Variants in CRYM observed in about 807,000 individuals in gnomAD.
The protein encoded by CRYM is crystallin mu, also known as ketimine reductase mu-crystallin.
A neutral mutation model predicts 32.9 loss-of-function variants in CRYM; 18 were observed. That is an observed-to-expected ratio of 0.55 (90% CI 0.38 to 0.81). The LOEUF (loss-of-function observed/expected upper bound fraction) is 0.81. Ranked by LOEUF, CRYM falls within the 30% of genes least tolerant of loss-of-function variation. The pLI is 0.00. For synonymous variants in CRYM, 153 were observed against 152.4 expected (o/e 1.00, Z -0.03); for missense variants, 337 against 393.5 (o/e 0.86, Z 1.21).
chr16:21,273,530 C>G (rs939113058), intron 3 of CRYM, among the ~76,000 whole-genome samples: 2 of 152,166 alleles, frequency 1.3e-5, no homozygotes, highest in East Asian at 3.8e-4. Context: ...CCTGGTTGAT[C>G]CTCACTCTGT....
At chr16:21,278,375 G>C (rs2093392034), upstream of CRYM, 1 of 1,307,622 alleles carries the variant, frequency 7.6e-7, no homozygotes, top group South Asian at 1.3e-5. Flanking sequence ...AGCCTCCGGG[G>C]GCGGAGCAAC....
chr16:21,291,418 A>C (rs1960652462), intron 1 of CRYM, among the ~76,000 whole-genome samples: 1 of 152,166 alleles, frequency 6.6e-6, no homozygotes, highest in Admixed American at 6.5e-5. Context: ...TTCTACCTAC[A>C]TTACTGTGAA....
chr16:21,260,955 T>C (rs2093353219), intron 7 of CRYM: 1 of 471,584 alleles, frequency 2.1e-6, no homozygotes, highest in Non-Finnish European at 3.9e-6. Flanking sequence ...TCATTTTATA[T>C]GCAAATCCCA....
chr16:21,301,765 G>A (rs981995065), intron 1 of CRYM, among the ~76,000 whole-genome samples: 1 of 152,176 alleles, frequency 6.6e-6, no homozygotes, highest in Non-Finnish European at 1.5e-5. Flanking sequence ...CCGCGCGAGG[G>A]CCAGGCTGCC....
intron 1 of CRYM, among the ~76,000 whole-genome samples, chr16:21,301,690 G>C (rs1407640921): frequency 6.6e-6 from 1 of 152,204 alleles, no homozygotes; most frequent in Admixed American, 6.5e-5. Context: ...CTTCCGCACC[G>C]CTGACTCCTA....
At position 21,272,025 on chromosome 16, in the gene CRYM, ATTTTTTTT is replaced by A. The variant is rs775866723; in HGVS notation, c.388-2142_388-2135del. Among the ~76,000 whole-genome samples the A allele has an allele frequency of 3.7e-5, 5 of 133,792 alleles. No homozygotes were observed. In the East Asian group the frequency reaches 1.1e-3, roughly 29 times the overall value. 87.8% of individuals were successfully genotyped at this position (133,792 alleles called of 152,430 possible). On this transcript the variant is annotated intron_variant, in intron 3 of 7. Transcript: ENST00000572914. ...AGGTATGTGCCACCATACTTGGCTAATTTTTTTTTTTTTTTTTGGTAAAGATGGGGTTT... is the reference window on the plus strand; with the variant it reads ...AGGTATGTGCCACCATACTTGGCTAATTTTTTTTTGGTAAAGATGGGGTTT...
At chr16:21,281,589 G>A (rs1416392488), upstream of CRYM, among the ~76,000 whole-genome samples, 2 of 152,016 alleles carry the variant, frequency 1.3e-5, no homozygotes, top group African/African-American at 4.8e-5. Flanking sequence ...TTGACTAACC[G>A]ACCCCTTGTT....
chr16:21,281,586 A>G (rs978939872), upstream of CRYM, among the ~76,000 whole-genome samples: 1 of 152,118 alleles, frequency 6.6e-6, no homozygotes, highest in African/African-American at 2.4e-5. Flanking sequence ...ATATTGACTA[A>G]CCGACCCCTT....
chr16:21,275,319 A>G (rs985178623), intron 3 of CRYM, among the ~76,000 whole-genome samples: 1 of 152,250 alleles, frequency 6.6e-6, no homozygotes, highest in Non-Finnish European at 1.5e-5. Flanking sequence ...AAGATTGAGA[A>G]TTATGCACAT....
chr16:21,278,084 C>A lies in CRYM; in HGVS notation c.168G>T (p.Arg56Ser), dbSNP rs143848148. The A allele has an allele frequency of 1.5e-5, 23 of 1,545,012 alleles. No individual in the cohort carries two copies. Among genetic ancestry groups the A allele is most frequent in the Non-Finnish European group, 1.9e-5 (22 of 1,146,946 alleles). Residue 56 changes from arginine to serine, a missense_variant and splice_region_variant, in exon 1 of 8, where the codon AGG becomes AGT. Arg to Ser is a moderately radical substitution (Grantham distance 110). Coordinates refer to ENST00000572914, the MANE Select transcript of CRYM (RefSeq NM_001376256.1). ...VRTVVPVTKHRGYLGVMPAYS... is the reference protein window; with the variant it reads ...VRTVVPVTKHSGYLGVMPAYS... ...TGACCCCGACCCTCCTCACTCACCC[C>A]CTGTGCTTGGTCACCGGCACCACGG...
chr16:21,278,661 C>G (rs1046358047), upstream of CRYM: 3 of 239,730 alleles, frequency 1.3e-5, no homozygotes, highest in East Asian at 3.6e-4. Context: ...AAAACGCTAA[C>G]GGGGCTCCTT....
intron 1 of CRYM, among the ~76,000 whole-genome samples, chr16:21,290,906 G>A (rs1365966822): frequency 6.6e-6 from 1 of 152,068 alleles, no homozygotes; most frequent in Non-Finnish European, 1.5e-5. Flanking sequence ...GAAATAATCA[G>A]CATTGGTTTC....
At position 21,261,965 on chromosome 16, in the gene CRYM, A is replaced by G. The variant is rs226048; in HGVS notation, c.795+72T>C. ...CTGGAGCAGACCAAACTGGAAGGGA[A>G]GTTAATGAAACCCTGGGATCCAGGT... On this transcript the variant is annotated intron_variant, in intron 6 of 7. Coordinates refer to ENST00000572914, the MANE Select transcript of CRYM (RefSeq NM_001376256.1). 0.26 allele frequency: 422,363 copies of G among 1,601,130 alleles called. 63,854 individuals carry two copies. Among genetic ancestry groups the G allele is most frequent in the African/African-American group, 0.64 (47,997 of 74,656 alleles).
At chr16:21,261,461 AAAAG>A in intron 6 of CRYM, 123 bp from the exon 7 acceptor site, 2 of 730,624 alleles carry the variant, frequency 2.7e-6, no homozygotes, top group Middle Eastern at 3.0e-4. Context: ...AAAAAAAAAA[AAAAG>A]AGAGAGATCC....
chr16:21,294,513 C>T (rs1679164070), intron 1 of CRYM, among the ~76,000 whole-genome samples: 2 of 151,806 alleles, frequency 1.3e-5, no homozygotes, highest in African/African-American at 4.8e-5. Context: ...CCCCGCCACC[C>T]CCTGACAGGT....
intron 4 of CRYM, among the ~76,000 whole-genome samples, chr16:21,269,128 C>T (rs959777077): frequency 1.3e-4 from 18 of 136,244 alleles, no homozygotes; most frequent in East Asian, 8.3e-4. Flanking sequence ...TGGGCGACAG[C>T]GCGAGACTCC....
At chr16:21,266,088 G>T (rs1482559635) in intron 5 of CRYM, among the ~76,000 whole-genome samples, 1 of 152,142 alleles carries the variant, frequency 6.6e-6, no homozygotes, top group African/African-American at 2.4e-5. Flanking sequence ...TAGCTGGCAT[G>T]GTGGCGTGTG....
At chr16:21,275,721 A>T in intron 2 of CRYM, 127 bp from the exon 3 acceptor site, 1 of 750,228 alleles carries the variant, frequency 1.3e-6, no homozygotes. Flanking sequence ...GTTTGGCGTC[A>T]GACCTGGATC....
intron 1 of CRYM, among the ~76,000 whole-genome samples, chr16:21,298,745 G>A (rs1960837704): frequency 6.6e-6 from 1 of 152,174 alleles, no homozygotes; most frequent in African/African-American, 2.4e-5. Flanking sequence ...GACCTGGATA[G>A]GGTGGTTTTG....
Sources: gnomAD v4.1 joint callset for allele counts (sites outside exome capture counted in the v4.1 genomes callset) on GRCh38, gnomAD v4.1.1 for gene constraint, MANE v1.5 for transcripts, NCBI Gene and HGNC (gene_info 2026-07-23, HGNC 2026-07-21) for gene names.